CAMTA1: variants seen among roughly 807,000 people sequenced by gnomAD.
CAMTA1 encodes the protein calmodulin binding transcription activator 1, also known as calmodulin-binding transcription activator 1.
A neutral mutation model predicts 170.9 loss-of-function variants in CAMTA1; 27 were observed. That is an observed-to-expected ratio of 0.16 (90% CI 0.12 to 0.22). CAMTA1 has a LOEUF of 0.22. CAMTA1 is among the 10% of genes least tolerant of loss of function. The pLI is 1.00. For missense variants in CAMTA1, 1,619 were observed against 2,217.2 expected (o/e 0.73, Z 5.42); for synonymous variants, 833 against 891.5 (o/e 0.93, Z 1.17).
rs564059993 is a variant in CAMTA1 at position 7,333,719 on chromosome 1, G to A, written c.438+84093G>A. 1.3e-5 allele frequency among the ~76,000 whole-genome samples: 2 copies of A among 152,226 alleles called. No homozygotes were observed. The highest frequency in any genetic ancestry group is 2.9e-5 in the Non-Finnish European group (2 of 68,054). ...GGTGATCTGTGTGCCTTGCAGGGGC[G>A]TGGAGCCTGGTGTATTTACATACCA... On this transcript the variant is annotated intron_variant, in intron 5 of 22. Transcript: ENST00000303635. The surrounding 1 kb of genome is among the most constrained non-coding windows in gnomAD (Gnocchi z 4.4).
intron 7 of CAMTA1, among the ~76,000 whole-genome samples, chr1:7,656,971 C>T (rs2095909319): frequency 6.6e-6 from 1 of 152,250 alleles, no homozygotes; most frequent in Admixed American, 6.5e-5. Flanking sequence ...CCAGCCTCGG[C>T]TCTGCAAGCC....
At chr1:7,002,192 G>A (rs1232238526) in intron 3 of CAMTA1, among the ~76,000 whole-genome samples, 3 of 152,016 alleles carry the variant, frequency 2.0e-5, no homozygotes, top group South Asian at 2.1e-4. Context: ...ACCGCACCCG[G>A]ACTAAAACCC....
intron 5 of CAMTA1, among the ~76,000 whole-genome samples, chr1:7,339,440 T>C (rs116675862): frequency 0.013 from 1,997 of 152,260 alleles, 46 homozygotes; most frequent in African/African-American, 0.044. Context: ...AGAGGATGAG[T>C]GACTTGCCCA....
At position 7,124,683 on chromosome 1, in the gene CAMTA1, G is replaced by A. The variant is rs1644832525; in HGVS notation, c.302+33312G>A. On this transcript the variant is annotated intron_variant, in intron 4 of 22. Transcript: ENST00000303635. ...TCAGGAAACGTTAAGCAGATTCCTTGAAGTTTAGGGTCATGGGTCTCGTTC... is the reference window on the plus strand; with the variant it reads ...TCAGGAAACGTTAAGCAGATTCCTTAAAGTTTAGGGTCATGGGTCTCGTTC... Among the ~76,000 whole-genome samples the A allele has an allele frequency of 3.3e-5, 5 of 152,236 alleles. 1 individual carries two copies. The highest frequency in any genetic ancestry group is 3.3e-4 in the Admixed American group (5 of 15,286).
At chr1:7,709,195 AC>A (rs2096550663) in intron 11 of CAMTA1, among the ~76,000 whole-genome samples, 1 of 152,178 alleles carries the variant, frequency 6.6e-6, no homozygotes, top group African/African-American at 2.4e-5. Flanking sequence ...GATTAGATTA[AC>A]AGCTGTTTAT....
chr1:7,003,216 G>T (rs1330362175), intron 3 of CAMTA1, among the ~76,000 whole-genome samples: 1 of 152,204 alleles, frequency 6.6e-6, no homozygotes, highest in East Asian at 1.9e-4. Flanking sequence ...GCAAACCACT[G>T]GTCTAACTAA....
chr1:7,496,436 T>TGC (rs2093828644), intron 6 of CAMTA1, among the ~76,000 whole-genome samples: 1 of 151,932 alleles, frequency 6.6e-6, no homozygotes, highest in African/African-American at 2.4e-5. Flanking sequence ...GTGTGCACTG[T>TGC]CTGTGTCCCC....
At chr1:7,724,817 T>TAAAA (rs2096672856) in intron 11 of CAMTA1, among the ~76,000 whole-genome samples, 1 of 90,696 alleles carries the variant, frequency 1.1e-5, no homozygotes, top group African/African-American at 4.2e-5. Flanking sequence ...AGCGAGACTC[T>TAAAA]CAAAAAAAAA....
intron 4 of CAMTA1, among the ~76,000 whole-genome samples, chr1:7,166,504 A>G (rs1445880043): frequency 6.6e-6 from 1 of 152,086 alleles, no homozygotes; most frequent in Non-Finnish European, 1.5e-5. Flanking sequence ...GATGGTTCCC[A>G]TTTCTTCACA....
At chr1:6,902,843 C>A (rs1324432830) in intron 3 of CAMTA1, among the ~76,000 whole-genome samples, 1 of 152,194 alleles carries the variant, frequency 6.6e-6, no homozygotes, top group Non-Finnish European at 1.5e-5. Context: ...ACAACTGCAA[C>A]TCTCAAACAT....
At chr1:7,035,464 G>A (rs1057464648) in intron 3 of CAMTA1, among the ~76,000 whole-genome samples, 3 of 152,120 alleles carry the variant, frequency 2.0e-5, no homozygotes, top group Admixed American at 6.5e-5. Context: ...CTGGCAAAGC[G>A]TGTGTGCATG....
chr1:7,136,495 T>A (rs957941352), intron 4 of CAMTA1, among the ~76,000 whole-genome samples: 1 of 152,146 alleles, frequency 6.6e-6, no homozygotes, highest in Non-Finnish European at 1.5e-5. Context: ...CTATTGTTCA[T>A]ACCCTATCTA....
In CAMTA1 at chr1:7,767,419, C is replaced by T. The variant is rs1222087217; in HGVS notation, c.*928C>T. ...TCATGAACCTTGCCTGGACATTTGC[C>T]ACCTAAACGATCAGTGTGGTGCTGC... On this transcript the variant is annotated 3_prime_UTR_variant, in exon 23 of 23. Transcript: ENST00000303635. 6.5e-6 allele frequency: 1 copy of T among 152,746 alleles called. No homozygotes were observed. Among genetic ancestry groups the T allele is most frequent in the Non-Finnish European group, 1.5e-5 (1 of 68,050 alleles). 9.5% of individuals were successfully genotyped at this position (152,746 alleles called of 1,614,324 possible). A position where few individuals can be genotyped will look rare whatever the true frequency, so the allele number is the denominator to read the frequency against.
intron 5 of CAMTA1, among the ~76,000 whole-genome samples, chr1:7,429,873 C>G (rs57651238): frequency 0.036 from 5,547 of 152,038 alleles, 264 homozygotes; most frequent in African/African-American, 0.1. Flanking sequence ...ATGGCTGGAG[C>G]AGGAGGAAAA....
intron 4 of CAMTA1, among the ~76,000 whole-genome samples, chr1:7,208,523 G>GA (rs1186094194): frequency 6.6e-6 from 1 of 152,206 alleles, no homozygotes; most frequent in Non-Finnish European, 1.5e-5. Flanking sequence ...CTTGACTCTT[G>GA]AAAACCATGT....
intron 3 of CAMTA1, among the ~76,000 whole-genome samples, chr1:6,855,698 C>A (rs912614320): frequency 6.6e-6 from 1 of 151,888 alleles, no homozygotes; most frequent in African/African-American, 2.4e-5. Flanking sequence ...TTGAAAGCAG[C>A]GTTTAATGTG....
At chr1:7,454,663 C>T (rs1244905582) in intron 5 of CAMTA1, among the ~76,000 whole-genome samples, 1 of 152,016 alleles carries the variant, frequency 6.6e-6, no homozygotes, top group Non-Finnish European at 1.5e-5. Flanking sequence ...AGGAAGGGGC[C>T]TCTACCCCCG....
chr1:7,047,575 G>T lies in CAMTA1; in HGVS notation c.235-43729G>T, dbSNP rs1322237247. Among the ~76,000 whole-genome samples the T allele has an allele frequency of 2.0e-5, 3 of 151,412 alleles. 1 individual carries two copies. Among genetic ancestry groups the T allele is most frequent in the South Asian group, 4.2e-4 (2 of 4,780 alleles). ...TTCCTCCCTTTCATTCTCTTTTCTT[G>T]CCAGGTGTCCTGAGGCTCTGAGTGA... On this transcript the variant is annotated intron_variant, in intron 3 of 22. Coordinates refer to ENST00000303635, the MANE Select transcript of CAMTA1 (RefSeq NM_015215.4).
intron 1 of CAMTA1, among the ~76,000 whole-genome samples, chr1:6,793,680 T>C (rs1641759872): frequency 6.6e-6 from 1 of 152,174 alleles, no homozygotes; most frequent in Admixed American, 6.5e-5. Context: ...TAGAATGAAA[T>C]GCAGATACAA....
Sources: allele counts gnomAD v4.1 joint callset (sites outside exome capture counted in the v4.1 genomes callset), GRCh38; gene constraint gnomAD v4.1.1; non-coding constraint Gnocchi (gnomAD v3.1); transcripts MANE v1.5; gene names NCBI Gene and HGNC (gene_info 2026-07-23, HGNC 2026-07-21).